The following MGAT4C variants were observed in gnomAD, a reference collection of about 807,000 sequenced individuals.
MGAT4C encodes the protein alpha-1,3-mannosyl-glycoprotein 4-beta-N-acetylglucosaminyltransferase C.
Under a neutral mutation model 40.1 loss-of-function variants are expected in MGAT4C, and 19 were observed. The ratio of observed to expected loss-of-function variants is 0.47; its 90% CI spans 0.33 to 0.70. The LOEUF is 0.70. Among genes scored for constraint, MGAT4C ranks in the 30% least tolerant of loss-of-function variants. The probability of loss-of-function intolerance (pLI) is 0.02; values close to 1 mark genes in which losing one functional copy is unlikely to be tolerated. For missense variants in MGAT4C, 491 were observed against 563.2 expected, an observed-to-expected ratio of 0.87 and a Z score of 1.30; for synonymous variants, 181 against 187.1, an observed-to-expected ratio of 0.97 and a Z score of 0.27.
chr12:86,330,339 T>C (rs1954634732), intron 4 of MGAT4C, among the ~76,000 whole-genome samples: 1 of 152,194 alleles, frequency 6.6e-6, no homozygotes. Context: ...TGGATAAAAA[T>C]ACATTTTTCA....
intron 2 of MGAT4C, among the ~76,000 whole-genome samples, chr12:86,718,965 G>T (rs1950694779): frequency 6.6e-6 from 1 of 152,068 alleles, no homozygotes; most frequent in South Asian, 2.1e-4. Context: ...TTACATGATG[G>T]TTACGTTCTT....
chr12:86,611,651 T>C (rs1962286617), intron 2 of MGAT4C, among the ~76,000 whole-genome samples: 1 of 152,198 alleles, frequency 6.6e-6, no homozygotes, highest in African/African-American at 2.4e-5. Context: ...GTCAATTTAA[T>C]CATACTTGGT....
chr12:86,011,079 A>T, intron 2 of MGAT4C, among the ~76,000 whole-genome samples: 1 of 152,208 alleles, frequency 6.6e-6, no homozygotes, highest in Non-Finnish European at 1.5e-5. Context: ...GTATTCTGAG[A>T]TAGCAACAGA....
chr12:86,602,338 G>C (rs935536994), intron 2 of MGAT4C, among the ~76,000 whole-genome samples: 1 of 152,198 alleles, frequency 6.6e-6, no homozygotes, highest in Non-Finnish European at 1.5e-5. Flanking sequence ...TGACAATAAG[G>C]TGGTACTTCT....
At chr12:86,476,293 C>T (rs1023212347) in intron 2 of MGAT4C, among the ~76,000 whole-genome samples, 3 of 152,018 alleles carry the variant, frequency 2.0e-5, no homozygotes, top group African/African-American at 7.2e-5. Context: ...AAAGACACTT[C>T]TGAAAAGAAG....
intron 2 of MGAT4C, among the ~76,000 whole-genome samples, chr12:86,459,318 C>T (rs754709210): frequency 4.6e-5 from 7 of 152,016 alleles, no homozygotes; most frequent in South Asian, 2.1e-4. Context: ...ATATCACTCC[C>T]ATGATAAGGT....
chr12:86,584,608 A>G (rs916824513), intron 2 of MGAT4C, among the ~76,000 whole-genome samples: 1 of 151,306 alleles, frequency 6.6e-6, no homozygotes, highest in Non-Finnish European at 1.5e-5. Flanking sequence ...CAGTATTTCT[A>G]TGTGATTAAA....
intron 2 of MGAT4C, among the ~76,000 whole-genome samples, chr12:86,620,183 C>T (rs999499102): frequency 4.6e-5 from 7 of 152,044 alleles, no homozygotes; most frequent in Admixed American, 1.3e-4. Context: ...TAGAACTACC[C>T]TCTGATCTGG....
intron 2 of MGAT4C, among the ~76,000 whole-genome samples, chr12:86,041,438 C>T (rs1891831956): frequency 6.6e-6 from 1 of 152,070 alleles, no homozygotes; most frequent in South Asian, 2.1e-4. Flanking sequence ...ATCTTTCTAA[C>T]TTTTGATGTG....
intron 1 of MGAT4C, among the ~76,000 whole-genome samples, chr12:86,191,555 T>C (rs924417937): frequency 7.3e-5 from 11 of 150,742 alleles, no homozygotes; most frequent in Non-Finnish European, 1.3e-4. Context: ...GATGAGCTCA[T>C]GGTTTCAAAT....
intron 4 of MGAT4C, among the ~76,000 whole-genome samples, chr12:86,272,834 C>T (rs189824049): frequency 2.6e-5 from 4 of 152,092 alleles, no homozygotes; most frequent in Admixed American, 2.6e-4. Context: ...GCCTGGGTGA[C>T]AAAGTGAGAC....
chr12:86,113,981 T>A (rs1484784534), intron 1 of MGAT4C, among the ~76,000 whole-genome samples: 1 of 151,872 alleles, frequency 6.6e-6, no homozygotes, highest in Non-Finnish European at 1.5e-5. Flanking sequence ...GTCCAAAGCA[T>A]GCTGTCACCT....
intron 2 of MGAT4C, among the ~76,000 whole-genome samples, chr12:86,686,996 TATTA>T (rs1454027289): frequency 1.3e-5 from 2 of 152,198 alleles, no homozygotes; most frequent in Non-Finnish European, 2.9e-5. Flanking sequence ...GTTGGTAGGC[TATTA>T]ATTACTGCCT....
chr12:86,148,674 CTAAAG>C (rs1207518471), intron 1 of MGAT4C, among the ~76,000 whole-genome samples: 1 of 152,114 alleles, frequency 6.6e-6, no homozygotes, highest in Non-Finnish European at 1.5e-5. Context: ...GCTATTTAGT[CTAAAG>C]TAGACAGCAC....
At chr12:86,008,622 A>T (rs937617525) in intron 2 of MGAT4C, among the ~76,000 whole-genome samples, 4 of 152,146 alleles carry the variant, frequency 2.6e-5, no homozygotes, top group Non-Finnish European at 5.9e-5. Context: ...GGCAATAAGT[A>T]AATGGGCTTC....
intron 2 of MGAT4C, among the ~76,000 whole-genome samples, chr12:86,438,849 T>C (rs144005545): frequency 6.6e-6 from 1 of 151,602 alleles, no homozygotes; most frequent in Non-Finnish European, 1.5e-5. Flanking sequence ...GAAACAGAAC[T>C]TAAAGCAACA....
rs938598312 is a variant in MGAT4C, at chr12:85,962,080, C to T, written c.*17209G>A. 1.3e-5 allele frequency: 2 copies of T among 151,762 alleles called. No individual in the cohort carries two copies. The highest frequency in any genetic ancestry group is 3.0e-5 in the Non-Finnish European group (2 of 67,768). The allele number at this position is 151,762 out of a possible 1,614,324, so 9.4% of individuals were successfully genotyped here. On this transcript the variant is annotated 3_prime_UTR_variant, in exon 5 of 5. Coordinates refer to ENST00000611864, the MANE Select transcript of MGAT4C (RefSeq NM_001351288.2). ...TCAATTTATAAAAGTCATCCTAAGA[C>T]GTTAAAAATAACTTACGAAAGGATA...
chr12:86,427,622 A>G (rs1956954883), intron 3 of MGAT4C, among the ~76,000 whole-genome samples: 1 of 152,192 alleles, frequency 6.6e-6, no homozygotes, highest in Non-Finnish European at 1.5e-5. Flanking sequence ...TTTCCCAAAA[A>G]AGAAACTCCA....
chr12:86,082,011 T>G (rs1870930302), intron 1 of MGAT4C, among the ~76,000 whole-genome samples: 1 of 152,190 alleles, frequency 6.6e-6, no homozygotes, highest in South Asian at 2.1e-4. Flanking sequence ...TAGGGACCCC[T>G]TGCCCAGTGG....
Sources: allele counts gnomAD v4.1 joint callset (sites outside exome capture counted in the v4.1 genomes callset), GRCh38; gene constraint gnomAD v4.1.1; transcripts MANE v1.5; gene names NCBI Gene and HGNC (gene_info 2026-07-23, HGNC 2026-07-21).